The following UQCC4 variants were observed in gnomAD, a reference collection of about 807,000 sequenced individuals.
The protein encoded by UQCC4 is ubiquinol-cytochrome c reductase complex assembly factor 4, also known as cattle cerebrum and skeletal muscle-specific protein 1 family member.
At chr16:1,420,009 T>G in the UQCC4 span, 1 of 1,605,048 alleles carries the variant, frequency 6.2e-7, no homozygotes, top group Non-Finnish European at 8.5e-7. Flanking sequence ...CCCAAGGATC[T>G]GAGAAGTCTT....
the UQCC4 span, chr16:1,419,835 C>A: frequency 8.2e-7 from 1 of 1,216,562 alleles, no homozygotes; most frequent in Non-Finnish European, 1.1e-6. Flanking sequence ...CAGGCCGCAG[C>A]ATGCAATACA....
chr16:1,420,614 TG>T, the UQCC4 span: 6 of 1,566,466 alleles, frequency 3.8e-6, no homozygotes, highest in South Asian at 7.0e-5. Flanking sequence ...CGGACGGCCC[TG>T]GAAGAGAGAG....
the UQCC4 span, chr16:1,420,591 G>A: frequency 1.9e-6 from 3 of 1,595,940 alleles, 1 homozygote; most frequent in South Asian, 2.2e-5. Flanking sequence ...CCCAGCCTAT[G>A]AGCCTCAGCG....
At chr16:1,420,592 A>T in the UQCC4 span, 2 of 1,595,890 alleles carry the variant, frequency 1.3e-6, no homozygotes, top group Non-Finnish European at 8.5e-7. Context: ...CCAGCCTATG[A>T]GCCTCAGCGC....
At chr16:1,420,709 C>A in the UQCC4 span, 5 of 1,542,448 alleles carry the variant, frequency 3.2e-6, no homozygotes, top group Non-Finnish European at 4.4e-6. Context: ...CCGGGGCACA[C>A]AAGACACGAT....
chr16:1,420,712 G>C, the UQCC4 span: 23 of 1,541,826 alleles, frequency 1.5e-5, no homozygotes, highest in Middle Eastern at 2.1e-4. Context: ...GGGCACACAA[G>C]ACACGATTCA....
chr16:1,420,159 A>G, the UQCC4 span: 2 of 1,614,006 alleles, frequency 1.2e-6, no homozygotes, highest in Non-Finnish European at 1.7e-6. Flanking sequence ...GGACGCACGC[A>G]TAGCCAGGAC....
the UQCC4 span, chr16:1,420,611 C>G: frequency 2.9e-5 from 45 of 1,569,608 alleles, no homozygotes; most frequent in Non-Finnish European, 3.5e-5. Context: ...GCCCGGACGG[C>G]CCTGGAAGAG....
the UQCC4 span, chr16:1,420,359 T>C: frequency 6.2e-6 from 10 of 1,614,142 alleles, no homozygotes; most frequent in Middle Eastern, 6.6e-4. Context: ...CTCTCCTCCC[T>C]CAGGTAGCAC....
the UQCC4 span, chr16:1,420,521 C>T: frequency 6.2e-7 from 1 of 1,614,204 alleles, no homozygotes. Flanking sequence ...TCGTCCTCTT[C>T]CTCGGCGGCA....
chr16:1,420,277 T>A, the UQCC4 span: 3 of 1,614,012 alleles, frequency 1.9e-6, no homozygotes, highest in Non-Finnish European at 2.5e-6. Context: ...AGCTGGAGTC[T>A]CAGGCTCCTC....
the UQCC4 span, chr16:1,420,606 G>A: frequency 2.5e-6 from 4 of 1,573,652 alleles, no homozygotes; most frequent in Admixed American, 7.6e-5. Flanking sequence ...TCAGCGCCCG[G>A]ACGGCCCTGG....
the UQCC4 span, chr16:1,420,254 T>C: frequency 6.2e-7 from 1 of 1,613,570 alleles, no homozygotes; most frequent in Non-Finnish European, 8.5e-7. Context: ...CGTCAAGTTC[T>C]CGCTCTGTAG....
the UQCC4 span, chr16:1,420,499 G>A: frequency 5.0e-6 from 8 of 1,614,142 alleles, no homozygotes; most frequent in Non-Finnish European, 5.9e-6. Context: ...AAACTCAATG[G>A]GGCGGTCAGG....
the UQCC4 span, chr16:1,419,867 T>G: frequency 2.2e-6 from 3 of 1,343,822 alleles, no homozygotes; most frequent in East Asian, 4.2e-5. Context: ...CTGCCAGATA[T>G]TCTATCTCAG....
At chr16:1,420,274 G>A in the UQCC4 span, 96 of 1,613,914 alleles carry the variant, frequency 5.9e-5, no homozygotes, top group Non-Finnish European at 7.9e-5. Flanking sequence ...GGCAGCTGGA[G>A]TCTCAGGCTC....
At chr16:1,420,042 A>G in the UQCC4 span, 1 of 1,611,276 alleles carries the variant, frequency 6.2e-7, no homozygotes. Context: ...CTTGGACATC[A>G]AGAGCCAGGC....
At chr16:1,420,746 A>C in the UQCC4 span, 1 of 1,535,732 alleles carries the variant, frequency 6.5e-7, no homozygotes, top group Non-Finnish European at 8.7e-7. Context: ...TCCTCGACTG[A>C]CGCCTTGGCG....
chr16:1,419,981 A>G, the UQCC4 span: 83 of 1,587,386 alleles, frequency 5.2e-5, no homozygotes, highest in Non-Finnish European at 6.8e-5. Context: ...AACAGCATAC[A>G]GTGCAACTGA....
Sources: gnomAD v4.1 joint callset for allele counts on GRCh38, gnomAD v4.1.1 for gene constraint, MANE v1.5 for transcripts, NCBI Gene and HGNC (gene_info 2026-07-23, HGNC 2026-07-21) for gene names.